Variants in PYGM observed in about 807,000 individuals in gnomAD.
PYGM encodes the protein glycogen phosphorylase, muscle associated, also known as glycogen phosphorylase, muscle form.
In PYGM, 81 loss-of-function variants were observed where a neutral mutation model predicts 99.3. The observed-to-expected ratio is 0.82, with a 90% CI of 0.68 to 0.98. The LOEUF (loss-of-function observed/expected upper bound fraction) is 0.98, where lower values mean the gene tolerates loss of function less well. Among genes scored for constraint, PYGM ranks in the 50% least tolerant of loss-of-function variants. The pLI is 0.00. For synonymous variants in PYGM, 436 were observed against 451.5 expected (o/e 0.97, Z 0.44); for missense variants, 1,030 against 1,158.1 (o/e 0.89, Z 1.61).
At position 64,754,345 on chromosome 11, in the gene PYGM, C is replaced by G. The variant is rs1233430644; in HGVS notation, c.1000G>C (p.Val334Leu). The stretch of plus-strand genomic sequence containing the variant: ...TGGGTGTCATTGAGCTGGATGGCCA[C>G]CTGGGGTAGGGGGAGGGGTCAGTCT... ...RTNFDAFPDK[V>L]AIQLNDTHPS... The change falls in exon 9 of 20, where the codon GTG becomes CTG. Residue 334 changes from valine to leucine, a missense_variant and splice_region_variant. Val to Leu is a conservative substitution (Grantham distance 32). Coordinates refer to ENST00000164139, the MANE Select transcript of PYGM (RefSeq NM_005609.4). This position sits in a 1 kb window ranked among gnomAD's most constrained non-coding sequence, Gnocchi z 5.5. 2 of 1,609,024 alleles carry G rather than the reference C, an allele frequency of 1.2e-6. No individual in the cohort carries two copies. The highest frequency in any genetic ancestry group is 1.7e-6 in the Non-Finnish European group (2 of 1,175,936).
At position 64,757,889 on chromosome 11, in the gene PYGM, G is replaced by A; in HGVS notation, c.550C>T (p.Leu184Phe). ...TTCTCCCAGGGGTTGCCGTAGCGAA[G>A]CCAGTCATCGGCCTCCTCCATCTGC... ...GWQMEEADDWLRYGNPWEKAR... is the reference protein window; with the variant it reads ...GWQMEEADDWFRYGNPWEKAR... Residue 184 changes from leucine to phenylalanine, a missense_variant, in exon 5 of 20, where the codon CTT becomes TTT. Physicochemically the swap from Leu to Phe is conservative, Grantham distance 22. Coordinates refer to ENST00000164139, the MANE Select transcript of PYGM (RefSeq NM_005609.4). 1 of 1,614,116 alleles carries A rather than the reference G, an allele frequency of 6.2e-7. No homozygotes were observed.
chr11:64,746,573 G>C lies in PYGM; in HGVS notation c.*86C>G, dbSNP rs751876771. On this transcript the variant is annotated 3_prime_UTR_variant, in exon 20 of 20. Coordinates refer to ENST00000164139, the MANE Select transcript of PYGM (RefSeq NM_005609.4). ...GGAGGGGCTTAGAGATCTAACTCCAGTACCCCACCCTCTGCATGAGGTGCT... is the reference window on the plus strand; with the variant it reads ...GGAGGGGCTTAGAGATCTAACTCCACTACCCCACCCTCTGCATGAGGTGCT... 6.4e-7 allele frequency: 1 copy of C among 1,564,092 alleles called. No homozygotes were observed. The highest frequency in any genetic ancestry group is 8.8e-7 in the Non-Finnish European group (1 of 1,141,126).
chr11:64,751,275 G>A (rs895541306), intron 16 of PYGM, 50 bp downstream of exon 16: 13 of 1,611,752 alleles, frequency 8.1e-6, no homozygotes, highest in Non-Finnish European at 1.0e-5. Flanking sequence ...ACCTCTTCCT[G>A]AGACTGAACT....
intron 13 of PYGM, 118 bp from the exon 14 acceptor site, chr11:64,752,189 T>C: frequency 6.9e-7 from 1 of 1,440,182 alleles, no homozygotes; most frequent in East Asian, 2.3e-5. Flanking sequence ...GCTACTTCTG[T>C]CCACTCCTGT....
At chr11:64,747,140 C>A (rs2058317679) in intron 18 of PYGM, 84 bp downstream of exon 18, 1 of 1,585,818 alleles carries the variant, frequency 6.3e-7, no homozygotes, top group Non-Finnish European at 8.7e-7. Context: ...CTACCAGGAC[C>A]CGCGTCCGGC....
chr11:64,753,962 C>T lies in PYGM; in HGVS notation c.1156G>A (p.Glu386Lys), dbSNP rs1314690048. 1.2e-6 allele frequency: 2 copies of T among 1,605,278 alleles called. No individual in the cohort carries two copies. Among genetic ancestry groups the T allele is most frequent in the Non-Finnish European group, 1.7e-6 (2 of 1,175,946 alleles). ...TCCAAGAGGTGCACCGGCCAGCGCT[C>T]CAGGGCCTCGGGCAGCACCGTGTGG... ...TNHTVLPEAL[E>K]RWPVHLLETL... The change falls in exon 10 of 20, where the codon GAG becomes AAG. Residue 386 changes from glutamate (E) to lysine (K), a missense_variant. By Grantham distance (56) the Glu-to-Lys change is moderately conservative (BLOSUM62 1). Transcript: ENST00000164139.
chr11:64,746,799 C>T lies in PYGM; in HGVS notation c.2389G>A (p.Glu797Lys). 1 of 1,614,178 alleles carries T rather than the reference C, an allele frequency of 6.2e-7. No homozygotes were observed. The highest frequency in any genetic ancestry group is 8.5e-7 in the Non-Finnish European group (1 of 1,180,024). ...KVSALYKNPR[E>K]WTRMVIRNIA... ...TTCCGGATCACCATCCGCGTCCACT[C>T]TCTTGGGTTCTGCAGGTCAAAGGGA... Residue 797 changes from glutamate to lysine, a missense_variant, in exon 20 of 20, where the codon GAG (glutamate) becomes AAG (lysine). Glu to Lys is a moderately conservative substitution (Grantham distance 56, BLOSUM62 1). Transcript: ENST00000164139.
chr11:64,758,752 C>T, intron 1 of PYGM, 48 bp from the exon 2 acceptor site: 1 of 1,504,298 alleles, frequency 6.6e-7, no homozygotes, highest in Non-Finnish European at 9.2e-7. Flanking sequence ...GGCCACACAC[C>T]AACACTCAGC....
chr11:64,754,604 CTATTACA>C lies in PYGM; in HGVS notation c.999+82_999+88del. ...ACACTCCCAGTCTCCACTCCCTTAT[CTATTACA>C]TGGGGCAGGCAGGCCGAGGCTGGAG... On this transcript the variant is annotated intron_variant, in intron 8 of 19. Transcript: ENST00000164139. The surrounding 1 kb of genome is among the most constrained non-coding windows in gnomAD (Gnocchi z 5.5). The C allele has an allele frequency of 6.5e-7, 1 of 1,526,884 alleles. No individual in the cohort carries two copies. Among genetic ancestry groups the C allele is most frequent in the South Asian group, 1.2e-5 (1 of 85,674 alleles). The allele number at this position is 1,526,884 out of a possible 1,614,324, so 94.6% of individuals were successfully genotyped here.
rs1463963025 is a variant in PYGM, at chr11:64,747,319, A to T, written c.2217T>A (p.Leu739=). The T allele has an allele frequency of 6.2e-7, 1 of 1,614,184 alleles. No individual in the cohort carries two copies. ...AQEYYDRIPE[L]RQVIEQLSSG... ...TGCTCAGCTGCTCAATGACCTGCCG[A>T]AGCTCAGGAATGCGATCGTAGTACT... The change falls in exon 18 of 20, where the codon CTT becomes CTA. Residue 739 remains leucine (L), a synonymous_variant. Transcript: ENST00000164139.
intron 16 of PYGM, chr11:64,751,107 G>T (rs1802757139): frequency 5.1e-6 from 3 of 592,248 alleles, no homozygotes; most frequent in Non-Finnish European, 8.9e-6. Flanking sequence ...GGCCAGGCTG[G>T]TCTCGAACTC....
At chr11:64,747,769 T>G (rs1175152157) in intron 17 of PYGM, 8 of 313,550 alleles carry the variant, frequency 2.6e-5, no homozygotes, top group Non-Finnish European at 5.0e-5. Flanking sequence ...CCAGGCATGG[T>G]GGCTCACGCC....
In PYGM at chr11:64,753,958, C is replaced by T. The variant is rs200357590; in HGVS notation, c.1160G>A (p.Arg387His). The T allele has an allele frequency of 2.5e-4, 402 of 1,603,964 alleles. 1 individual carries two copies. Among genetic ancestry groups the T allele is most frequent in the Non-Finnish European group, 1.8e-4 (211 of 1,175,252 alleles). ...NHTVLPEALE[R>H]WPVHLLETLL... ...CGTCTCCAAGAGGTGCACCGGCCAG[C>T]GCTCCAGGGCCTCGGGCAGCACCGT... The change falls in exon 10 of 20, where the codon CGC becomes CAC. Residue 387 changes from arginine to histidine, a missense_variant. By Grantham distance (29) the Arg-to-His change is conservative. Coordinates refer to ENST00000164139, the MANE Select transcript of PYGM (RefSeq NM_005609.4).
chr11:64,755,134 G>A lies in PYGM; in HGVS notation c.855+139C>T. On this transcript the variant is annotated intron_variant, in intron 7 of 19. Transcript: ENST00000164139. The surrounding 1 kb of genome is among the most constrained non-coding windows in gnomAD (Gnocchi z 4.1). Reference sequence around the variant, plus strand: ...GTGTCCTTGCACTCAAAAGACTTGAGGTGGGGGCACAGGATGCACAAGGCC... The same window carrying A: ...GTGTCCTTGCACTCAAAAGACTTGAAGTGGGGGCACAGGATGCACAAGGCC... 9.3e-7 allele frequency: 1 copy of A among 1,079,032 alleles called. No homozygotes were observed. Among genetic ancestry groups the A allele is most frequent in the South Asian group, 1.3e-5 (1 of 76,006 alleles). 66.8% of individuals were successfully genotyped at this position (1,079,032 alleles called of 1,614,324 possible). A position where few individuals can be genotyped will look rare whatever the true frequency, so the allele number is the denominator to read the frequency against.
At position 64,755,099 on chromosome 11, in the gene PYGM, C is replaced by A. The variant is rs2058385451; in HGVS notation, c.855+174G>T. On this transcript the variant is annotated intron_variant, in intron 7 of 19. Transcript: ENST00000164139. The surrounding 1 kb of genome is among the most constrained non-coding windows in gnomAD (Gnocchi z 4.1). ...GTGCCCTTCGCTAACCCAGTTTCCT[C>A]AGGACTCAGGTGTCCTTGCACTCAA... is the stretch of plus-strand genomic sequence containing the variant. Among the ~76,000 whole-genome samples, 1 of 152,156 alleles carries A rather than the reference C, an allele frequency of 6.6e-6. No homozygotes were observed. Among genetic ancestry groups the A allele is most frequent in the Non-Finnish European group, 1.5e-5 (1 of 68,020 alleles).
Position 64,755,426 on chromosome 11 carries a change from G to C in PYGM, c.772+21C>G. ...GCCGGCGGGCAAGCTGGGGTTGCTG[G>C]CTACCAGTGGATGAACTCACAGTCC... is the stretch of plus-strand genomic sequence containing the variant. On this transcript the variant is annotated intron_variant, in intron 6 of 19. Transcript: ENST00000164139. This position sits in a 1 kb window ranked among gnomAD's most constrained non-coding sequence, Gnocchi z 4.1. 1.2e-6 allele frequency: 2 copies of C among 1,613,090 alleles called. No homozygotes were observed. The highest frequency in any genetic ancestry group is 1.7e-6 in the Non-Finnish European group (2 of 1,179,044).
chr11:64,758,011 C>T (rs1397806823), intron 4 of PYGM, 101 bp from the exon 5 acceptor site: 55 of 1,545,330 alleles, frequency 3.6e-5, no homozygotes, highest in Non-Finnish European at 4.8e-5. Context: ...GTGTACCCTA[C>T]ACCAAGTATA....
chr11:64,747,026 G>A, intron 18 of PYGM, 39 bp from the exon 19 acceptor site: 1 of 1,607,764 alleles, frequency 6.2e-7, no homozygotes, highest in South Asian at 1.1e-5. Context: ...TTCCTTTAGG[G>A]GGCTAGGATA....
At position 64,747,332 on chromosome 11, in the gene PYGM, C is replaced by A. The variant is rs760277933; in HGVS notation, c.2204G>T (p.Arg735Leu). 2 of 1,614,200 alleles carry A rather than the reference C, an allele frequency of 1.2e-6. No homozygotes were observed. The highest frequency in any genetic ancestry group is 1.3e-5 in the African/African-American group (1 of 75,046). ...RGYNAQEYYDRIPELRQVIEQ... is the reference protein window; with the variant it reads ...RGYNAQEYYDLIPELRQVIEQ... ...AATGACCTGCCGAAGCTCAGGAATG[C>A]GATCGTAGTACTCCTGGGCATTGTA... Residue 735 changes from arginine to leucine, a missense_variant, in exon 18 of 20, where the codon CGC (arginine) becomes CTC (leucine). Physicochemically the swap from Arg to Leu is moderately radical, Grantham distance 102 (BLOSUM62 -2). Coordinates refer to ENST00000164139, the MANE Select transcript of PYGM (RefSeq NM_005609.4).
Sources: gnomAD v4.1 joint callset for allele counts (sites outside exome capture counted in the v4.1 genomes callset) on GRCh38, gnomAD v4.1.1 for gene constraint, Gnocchi (gnomAD v3.1) non-coding constraint, MANE v1.5 for transcripts, NCBI Gene and HGNC (gene_info 2026-07-23, HGNC 2026-07-21) for gene names.